The following PFDN1 variants were observed in gnomAD, a reference collection of about 807,000 sequenced individuals.
PFDN1 encodes the protein prefoldin subunit 1.
A neutral mutation model predicts 17.3 loss-of-function variants in PFDN1; 6 were observed. The ratio of observed to expected loss-of-function variants is 0.35; its 90% CI spans 0.19 to 0.69. PFDN1 has a LOEUF of 0.69. PFDN1 is among the 30% of genes least tolerant of loss of function. The pLI, the probability that PFDN1 is intolerant of heterozygous loss-of-function variation, is 0.65. For missense variants in PFDN1, 113 were observed against 146.2 expected, an observed-to-expected ratio of 0.77 and a Z score of 1.17; for synonymous variants, 58 against 50.1, an observed-to-expected ratio of 1.16 and a Z score of -0.67.
At chr5:140,248,627 G>A (rs1427080822) in intron 3 of PFDN1, among the ~76,000 whole-genome samples, 1 of 152,190 alleles carries the variant, frequency 6.6e-6, no homozygotes, top group African/African-American at 2.4e-5. Flanking sequence ...CTGCCAACTT[G>A]CTGCCACAGC....
intron 3 of PFDN1, among the ~76,000 whole-genome samples, chr5:140,266,342 A>G (rs1002548703): frequency 1.3e-5 from 2 of 152,210 alleles, no homozygotes; most frequent in Non-Finnish European, 2.9e-5. Context: ...TAAACTAGGG[A>G]GTAACACTGG....
At chr5:140,286,597 CGGGGGGGGGGGGGGGGG>C (rs56267997) in intron 2 of PFDN1, among the ~76,000 whole-genome samples, 1 of 27,346 alleles carries the variant, frequency 3.7e-5, no homozygotes, top group Non-Finnish European at 6.7e-5. Flanking sequence ...ATTTTTTTTG[CGGGGGGGGGGGGGGGGG>C]GGGGGGCGGG....
chr5:140,275,163 C>T (rs564845364), intron 3 of PFDN1, among the ~76,000 whole-genome samples: 1 of 152,082 alleles, frequency 6.6e-6, no homozygotes, highest in African/African-American at 2.4e-5. Flanking sequence ...AATCCCAGCA[C>T]TTTGGGAGGC....
intron 3 of PFDN1, among the ~76,000 whole-genome samples, chr5:140,277,198 C>A (rs1765309524): frequency 6.6e-6 from 1 of 151,026 alleles, no homozygotes; most frequent in Non-Finnish European, 1.5e-5. Context: ...TGCACTACAG[C>A]CTGGGCAACA....
chr5:140,281,504 T>C lies in PFDN1; in HGVS notation c.230A>G (p.His77Arg). 1 of 1,593,306 alleles carries C rather than the reference T, an allele frequency of 6.3e-7. No homozygotes were observed. The highest frequency in any genetic ancestry group is 1.1e-5 in the South Asian group (1 of 90,616). The change falls in exon 3 of 4, where the codon CAC becomes CGC. Residue 77 changes from histidine (H) to arginine (R), a missense_variant. His to Arg is a conservative substitution (Grantham distance 29). Transcript: ENST00000261813. ...TTTCTGCTTCTCTAACAGCTGACTG[T>C]GAATTGCTTCCTTGGACTGAAGAAT... The part of the protein sequence containing the change: ...MFILQSKEAI[H>R]SQLLEKQKIA...
chr5:140,261,180 AAG>A (rs1200208169), intron 3 of PFDN1, among the ~76,000 whole-genome samples: 80 of 144,154 alleles, frequency 5.5e-4, no homozygotes, highest in African/African-American at 2.1e-3. Flanking sequence ...AAAAAAAAAA[AAG>A]AAAGGATATT....
Position 140,269,547 on chromosome 5 carries a change from G to A in PFDN1, c.285+11902C>T, listed in dbSNP as rs373280691. ...TTGGTCAGGCTGGTCTCGAACTCCT[G>A]ACCTCAGATCATCTGCCCGCCTTGG... On this transcript the variant is annotated intron_variant, in intron 3 of 3. Coordinates refer to ENST00000261813, the MANE Select transcript of PFDN1 (RefSeq NM_002622.5). 1.1e-4 allele frequency among the ~76,000 whole-genome samples: 16 copies of A among 152,298 alleles called. No homozygotes were observed. In the East Asian group the frequency reaches 3.1e-3, roughly 29 times the overall value.
At chr5:140,248,193 C>G (rs1435956757) in intron 3 of PFDN1, among the ~76,000 whole-genome samples, 3 of 151,840 alleles carry the variant, frequency 2.0e-5, no homozygotes, top group Admixed American at 2.0e-4. Flanking sequence ...CTCAGCCTCC[C>G]AAGTAGTTGG....
Position 140,245,091 on chromosome 5 carries a change from T to C in PFDN1, c.*883A>G. 1.4e-5 allele frequency: 3 copies of C among 215,854 alleles called. No individual in the cohort carries two copies. The South Asian group carries it at 2.1e-4, about 15-fold the overall frequency. 13.4% of individuals were successfully genotyped at this position (215,854 alleles called of 1,614,324 possible). A position where few individuals can be genotyped will look rare whatever the true frequency, so the allele number is the denominator to read the frequency against. On this transcript the variant is annotated 3_prime_UTR_variant, in exon 4 of 4. Transcript: ENST00000261813. ...ATTAGGGATGCATTTTGAATATTTA[T>C]TGTCCTTGTTTTTAACATAATTTGC...
chr5:140,255,626 G>A (rs1764975239), intron 3 of PFDN1, among the ~76,000 whole-genome samples: 1 of 152,126 alleles, frequency 6.6e-6, no homozygotes, highest in Non-Finnish European at 1.5e-5. Flanking sequence ...CTGGGTGACA[G>A]AGCAAGGCCC....
At chr5:140,302,858 G>A (rs1424380644) in intron 1 of PFDN1, among the ~76,000 whole-genome samples, 183 bp downstream of exon 1, 2 of 152,076 alleles carry the variant, frequency 1.3e-5, no homozygotes, top group African/African-American at 4.8e-5. Context: ...TACCCAGCAA[G>A]AGCCGCTCGC....
intron 3 of PFDN1, among the ~76,000 whole-genome samples, chr5:140,261,431 T>C (rs1014368396): frequency 1.3e-5 from 2 of 152,184 alleles, no homozygotes; most frequent in African/African-American, 2.4e-5. Context: ...AAGAGTAAAC[T>C]TCTATGTGAT....
intron 2 of PFDN1, among the ~76,000 whole-genome samples, chr5:140,291,001 G>A (rs1341256421): frequency 6.6e-6 from 1 of 152,174 alleles, no homozygotes; most frequent in Non-Finnish European, 1.5e-5. Flanking sequence ...GGTCATGAAA[G>A]GCCTCATTGC....
intron 3 of PFDN1, among the ~76,000 whole-genome samples, chr5:140,263,016 T>C (rs1765085408): frequency 6.6e-6 from 1 of 152,226 alleles, no homozygotes; most frequent in Non-Finnish European, 1.5e-5. Context: ...GTATTTACTG[T>C]GTCAGGCACA....
Position 140,300,506 on chromosome 5 carries a change from A to G in PFDN1, c.110T>C (p.Leu37Pro). The G allele has an allele frequency of 6.2e-7, 1 of 1,613,156 alleles. No homozygotes were observed. The change falls in exon 2 of 4, where the codon CTA becomes CCA. Residue 37 changes from leucine (L) to proline (P), a missense_variant. Transcript: ENST00000261813. ...ATGTGCATGCTTTTTCGTTCTGTTT[A>G]GCTGTTCAATCTGTATGTCTGCGAG... ...VKLADIQIEQ[L>P]NRTKKHAHLT...
At chr5:140,289,821 T>A (rs1023623892) in intron 2 of PFDN1, among the ~76,000 whole-genome samples, 3 of 152,144 alleles carry the variant, frequency 2.0e-5, no homozygotes, top group Non-Finnish European at 2.9e-5. Flanking sequence ...TCCATCAATA[T>A]CACCACATGC....
At chr5:140,300,613 T>C in intron 1 of PFDN1, 31 bp from the exon 2 acceptor site, 1 of 1,477,032 alleles carries the variant, frequency 6.8e-7, no homozygotes, top group South Asian at 1.3e-5. Flanking sequence ...ATTTAGTAGG[T>C]AAAACATTTT....
chr5:140,250,872 C>T (rs1707361560), intron 3 of PFDN1, among the ~76,000 whole-genome samples: 1 of 152,172 alleles, frequency 6.6e-6, no homozygotes, highest in African/African-American at 2.4e-5. Flanking sequence ...TCACTACAAA[C>T]AATGTCAAGT....
chr5:140,274,357 A>G (rs1170695405), intron 3 of PFDN1, among the ~76,000 whole-genome samples: 1 of 152,238 alleles, frequency 6.6e-6, no homozygotes. Flanking sequence ...TTCTAAAATT[A>G]TGCTTGGGTA....
Sources: gnomAD v4.1 joint callset for allele counts (sites outside exome capture counted in the v4.1 genomes callset) on GRCh38, gnomAD v4.1.1 for gene constraint, MANE v1.5 for transcripts, NCBI Gene and HGNC (gene_info 2026-07-23, HGNC 2026-07-21) for gene names.